PLLP: variants seen among roughly 807,000 people sequenced by gnomAD.
PLLP encodes the protein plasma membrane proteolipid (plasmolipin).
Under a neutral mutation model 19.7 loss-of-function variants are expected in PLLP, and 15 were observed. The observed-to-expected ratio is 0.76, with a 90% CI of 0.51 to 1.17. The LOEUF (loss-of-function observed/expected upper bound fraction) is 1.17, where lower values mean the gene tolerates loss of function less well. Among genes scored for constraint, PLLP ranks in the 50% most tolerant of loss-of-function variants. The probability of loss-of-function intolerance (pLI) is 0.00; values close to 1 mark genes in which losing one functional copy is unlikely to be tolerated. For synonymous variants in PLLP, 111 were observed against 116.3 expected, an observed-to-expected ratio of 0.95 and a Z score of 0.29; for missense variants, 255 against 258.3, an observed-to-expected ratio of 0.99 and a Z score of 0.09.
At chr16:57,269,505 C>T (rs908375725) in intron 1 of PLLP, among the ~76,000 whole-genome samples, 1 of 152,144 alleles carries the variant, frequency 6.6e-6, no homozygotes, top group Non-Finnish European at 1.5e-5. Flanking sequence ...CCATAGCAGT[C>T]GTGAGCAGTC....
chr16:57,271,186 A>G (rs2075473960), intron 1 of PLLP, among the ~76,000 whole-genome samples: 1 of 151,458 alleles, frequency 6.6e-6, no homozygotes, highest in South Asian at 2.2e-4. Flanking sequence ...AAGAAGTTGC[A>G]GCACACCTAC....
intron 1 of PLLP, among the ~76,000 whole-genome samples, chr16:57,276,912 C>T (rs1195066991): frequency 2.0e-5 from 3 of 152,126 alleles, no homozygotes; most frequent in South Asian, 2.1e-4. Context: ...ATAGAAAACC[C>T]GAAGTGTCTG....
intron 1 of PLLP, among the ~76,000 whole-genome samples, chr16:57,282,229 T>C (rs1901228599): frequency 3.5e-5 from 1 of 28,610 alleles, no homozygotes; most frequent in Admixed American, 2.5e-4. Flanking sequence ...TTTTCTTTTC[T>C]TTTTTTTTTT....
intron 1 of PLLP, among the ~76,000 whole-genome samples, chr16:57,278,317 A>T (rs530858429): frequency 4.7e-4 from 71 of 152,268 alleles, no homozygotes; most frequent in Non-Finnish European, 2.9e-4. Context: ...TCCAGCCTGG[A>T]TGACAGAGCA....
chr16:57,269,114 C>A (rs543642107), intron 1 of PLLP, among the ~76,000 whole-genome samples: 1 of 152,336 alleles, frequency 6.6e-6, no homozygotes, highest in East Asian at 1.9e-4. Flanking sequence ...GCTGAGGGGC[C>A]TTGGGCAGAC....
chr16:57,273,082 C>T (rs1314122098), intron 1 of PLLP, among the ~76,000 whole-genome samples: 1 of 151,822 alleles, frequency 6.6e-6, no homozygotes. Flanking sequence ...CATGGTGAAA[C>T]CCCGTCTCTA....
At position 57,256,756 on chromosome 16, in the gene PLLP, C is replaced by T. The variant is rs968551546; in HGVS notation, c.*157G>A. 5.3e-5 allele frequency: 32 copies of T among 598,262 alleles called. No homozygotes were observed. Among genetic ancestry groups the T allele is most frequent in the Admixed American group, 1.7e-4 (6 of 34,788 alleles). 37.1% of individuals were successfully genotyped at this position (598,262 alleles called of 1,614,324 possible). On this transcript the variant is annotated 3_prime_UTR_variant, in exon 4 of 4. Transcript: ENST00000219207. ...TGCCAGCCTGGGCCTGCTTCCTTAG[C>T]GCTGTGAGAGCTTATGTCTGACGGG...
At chr16:57,258,630 C>A in intron 2 of PLLP, 46 bp from the exon 3 acceptor site, 1 of 1,601,636 alleles carries the variant, frequency 6.2e-7, no homozygotes. Flanking sequence ...AGGCTTAAGA[C>A]ACAAAGAGAG....
chr16:57,284,284 A>G (rs1901254617), intron 1 of PLLP, 122 bp downstream of exon 1: 1 of 891,900 alleles, frequency 1.1e-6, no homozygotes, highest in Non-Finnish European at 1.5e-6. Flanking sequence ...CGTCGGTGAC[A>G]GTGTGAGCCC....
chr16:57,258,738 ATAGG>A (rs2075433554), intron 2 of PLLP, among the ~76,000 whole-genome samples, 154 bp from the exon 3 acceptor site: 1 of 151,850 alleles, frequency 6.6e-6, no homozygotes, highest in Non-Finnish European at 1.5e-5. Context: ...CCTGGGGAAC[ATAGG>A]TAGGCCCCAT....
intron 1 of PLLP, among the ~76,000 whole-genome samples, chr16:57,279,413 C>T (rs1229608651): frequency 6.6e-6 from 1 of 150,962 alleles, no homozygotes; most frequent in African/African-American, 2.4e-5. Context: ...TGGCTCACAC[C>T]TGTAATCTCA....
chr16:57,256,821 C>T lies in PLLP; in HGVS notation c.*92G>A, dbSNP rs1406980714. ...TGCAGTCCCTGTTGGGCTGACTCCA[C>T]GCAGGGCTCCCCAGCTTCAGGCTTG... On this transcript the variant is annotated 3_prime_UTR_variant, in exon 4 of 4. Coordinates refer to ENST00000219207, the MANE Select transcript of PLLP (RefSeq NM_015993.3). The T allele has an allele frequency of 2.3e-5, 19 of 828,582 alleles. No homozygotes were observed. Among genetic ancestry groups the T allele is most frequent in the Non-Finnish European group, 3.2e-5 (16 of 494,536 alleles). 51.3% of individuals were successfully genotyped at this position (828,582 alleles called of 1,614,324 possible).
intron 1 of PLLP, among the ~76,000 whole-genome samples, chr16:57,267,006 T>A (rs2075459736): frequency 6.6e-6 from 1 of 152,096 alleles, no homozygotes; most frequent in South Asian, 2.1e-4. Context: ...CGAAGAGATG[T>A]TTTTGTTAAA....
intron 1 of PLLP, among the ~76,000 whole-genome samples, chr16:57,265,713 C>G (rs1479336705): frequency 6.6e-6 from 1 of 152,166 alleles, no homozygotes. Context: ...GGCAATGTGC[C>G]TGAGGTCACT....
intron 1 of PLLP, among the ~76,000 whole-genome samples, chr16:57,281,351 G>C (rs1402085909): frequency 2.0e-5 from 3 of 152,186 alleles, no homozygotes; most frequent in Non-Finnish European, 2.9e-5. Context: ...AAGGGCCTGA[G>C]CCTAGTGCTG....
intron 1 of PLLP, among the ~76,000 whole-genome samples, chr16:57,274,830 T>C (rs1901128193): frequency 6.6e-6 from 1 of 151,856 alleles, no homozygotes; most frequent in Non-Finnish European, 1.5e-5. Flanking sequence ...GATGCGATCT[T>C]GTCTCACTGC....
intron 1 of PLLP, among the ~76,000 whole-genome samples, chr16:57,274,477 G>C (rs1197125431): frequency 1.3e-5 from 2 of 152,176 alleles, no homozygotes; most frequent in African/African-American, 4.8e-5. Flanking sequence ...TTTTGAGACA[G>C]AATCTTGCTC....
At chr16:57,276,978 G>C (rs199528300) in intron 1 of PLLP, among the ~76,000 whole-genome samples, 1 of 152,144 alleles carries the variant, frequency 6.6e-6, no homozygotes, top group Non-Finnish European at 1.5e-5. Context: ...GAATACTATA[G>C]AAGCCATAAA....
chr16:57,266,796 A>T (rs2075458606), intron 1 of PLLP, among the ~76,000 whole-genome samples: 1 of 149,116 alleles, frequency 6.7e-6, no homozygotes, highest in Non-Finnish European at 1.5e-5. Context: ...GGTCCCTGCC[A>T]TGCCTCCCCA....
Sources: allele counts gnomAD v4.1 joint callset (sites outside exome capture counted in the v4.1 genomes callset), GRCh38; gene constraint gnomAD v4.1.1; transcripts MANE v1.5; gene names NCBI Gene and HGNC (gene_info 2026-07-23, HGNC 2026-07-21).